The following TULP3 variants were observed in gnomAD, a reference collection of about 807,000 sequenced individuals.
TULP3 encodes the protein TUB like protein 3.
TULP3 carries 38 observed loss-of-function variants against 50.7 expected under a neutral mutation model. The ratio of observed to expected loss-of-function variants is 0.75; its 90% CI spans 0.58 to 0.98. TULP3 has a LOEUF of 0.98. Ranked by LOEUF, TULP3 falls within the 50% of genes least tolerant of loss-of-function variation. The probability of loss-of-function intolerance (pLI) is 0.00; values close to 1 mark genes in which losing one functional copy is unlikely to be tolerated. For synonymous variants in TULP3, 183 were observed against 196.6 expected (o/e 0.93, Z 0.58); for missense variants, 550 against 568.0 (o/e 0.97, Z 0.32).
intron 1 of TULP3, among the ~76,000 whole-genome samples, chr12:2,908,330 TTA>T (rs2098183559): frequency 6.6e-6 from 1 of 152,234 alleles, no homozygotes; most frequent in Non-Finnish European, 1.5e-5. Flanking sequence ...CATTTATGCC[TTA>T]TTTCATACTT....
At chr12:2,932,266 G>T (rs1011929590) in intron 6 of TULP3, among the ~76,000 whole-genome samples, 1 of 151,848 alleles carries the variant, frequency 6.6e-6, no homozygotes, top group African/African-American at 2.4e-5. Flanking sequence ...TCCTCTGTCT[G>T]TGTCCCCATG....
intron 1 of TULP3, among the ~76,000 whole-genome samples, chr12:2,896,451 A>G (rs989020776): frequency 2.0e-5 from 3 of 152,178 alleles, no homozygotes; most frequent in African/African-American, 7.2e-5. Context: ...TGACCATTTT[A>G]ATACACGTGT....
In TULP3 at chr12:2,939,594, G is replaced by A. The variant is rs1455290989; in HGVS notation, c.*150G>A. 52 of 1,224,174 alleles carry A rather than the reference G, an allele frequency of 4.2e-5. 1 individual carries two copies. The highest frequency in any genetic ancestry group is 5.5e-5 in the Non-Finnish European group (50 of 912,082). The allele number at this position is 1,224,174 out of a possible 1,614,324, so 75.8% of individuals were successfully genotyped here. On this transcript the variant is annotated 3_prime_UTR_variant, in exon 11 of 11. Coordinates refer to ENST00000448120, the MANE Select transcript of TULP3 (RefSeq NM_003324.5). This position sits in a 1 kb window ranked among gnomAD's most constrained non-coding sequence, Gnocchi z 4.0. ...AATATATAAAACACACACACAAAGA[G>A]CAATAGTTTGCCCCTTTTGGAACGA...
In TULP3 at chr12:2,915,562, CAG is replaced by C. The variant is rs1335496536; in HGVS notation, c.94-5198_94-5197del. On this transcript the variant is annotated intron_variant, in intron 2 of 10. Transcript: ENST00000448120. ...TTTATTTTGTTTTTTTTTTTTGAAA[CAG>C]AGTCTCGTTCTGTCGCCAGGCTGGA... 4.3e-4 allele frequency among the ~76,000 whole-genome samples: 59 copies of C among 136,150 alleles called. No homozygotes were observed. In the East Asian group the frequency reaches 5.6e-3, roughly 13 times the overall value. The allele number at this position is 136,150 out of a possible 152,430, so 89.3% of individuals were successfully genotyped here.
intron 8 of TULP3, among the ~76,000 whole-genome samples, chr12:2,937,200 A>AT (rs771074689): frequency 0.37 from 20,086 of 54,176 alleles, 8,678 homozygotes; most frequent in Middle Eastern, 0.46. Flanking sequence ...GGTACACCTG[A>AT]TTTTTTTTTT....
chr12:2,913,056 C>T (rs942575314), intron 2 of TULP3, among the ~76,000 whole-genome samples: 2 of 150,722 alleles, frequency 1.3e-5, no homozygotes, highest in Admixed American at 1.3e-4. Flanking sequence ...ACTGCAACCT[C>T]TGCCTCTGTG....
intron 1 of TULP3, among the ~76,000 whole-genome samples, chr12:2,901,312 C>CTTT (rs371069831): frequency 4.8e-5 from 5 of 104,126 alleles, no homozygotes; most frequent in African/African-American, 1.2e-4. Flanking sequence ...TTCTTTCTTT[C>CTTT]TTTTTTTTTT....
chr12:2,925,256 G>A lies in TULP3; in HGVS notation c.394+2854G>A, dbSNP rs540641315. 2.8e-4 allele frequency among the ~76,000 whole-genome samples: 42 copies of A among 152,260 alleles called. No individual in the cohort carries two copies. The South Asian group carries it at 8.7e-3, about 32-fold the overall frequency. ...ACAGTTGAGCTGTGGAAAAATTACT[G>A]TGTACCAGAAAGAAGGAATTGAAGG... On this transcript the variant is annotated intron_variant, in intron 4 of 10. Transcript: ENST00000448120.
At chr12:2,912,722 C>T (rs1197399066) in intron 2 of TULP3, among the ~76,000 whole-genome samples, 3 of 152,208 alleles carry the variant, frequency 2.0e-5, no homozygotes, top group Admixed American at 2.0e-4. Flanking sequence ...CTGGTCATTA[C>T]ATTCCCAGTA....
chr12:2,919,470 T>G (rs2098190501), intron 2 of TULP3, among the ~76,000 whole-genome samples: 2 of 152,190 alleles, frequency 1.3e-5, no homozygotes, highest in Admixed American at 6.6e-5. Flanking sequence ...ACACACTTCC[T>G]TTTTTGATAG....
rs775721190 is a variant in TULP3, at chr12:2,940,423, G to A, written c.*979G>A. On this transcript the variant is annotated 3_prime_UTR_variant, in exon 11 of 11. Transcript: ENST00000448120. ...TGGCAGAGCTGTGGACTTTCTTCTC[G>A]GCTCCCTCAACCCTGGCTCAGGCAC... is the stretch of plus-strand genomic sequence containing the variant. 2.0e-5 allele frequency: 29 copies of A among 1,464,244 alleles called. No individual in the cohort carries two copies. Among genetic ancestry groups the A allele is most frequent in the East Asian group, 5.0e-5 (2 of 40,216 alleles). The allele number at this position is 1,464,244 out of a possible 1,614,324, so 90.7% of individuals were successfully genotyped here. A position where few individuals can be genotyped will look rare whatever the true frequency, so the allele number is the denominator to read the frequency against.
At chr12:2,891,838 G>T (rs1454709056) in intron 1 of TULP3, among the ~76,000 whole-genome samples, 1 of 151,992 alleles carries the variant, frequency 6.6e-6, no homozygotes, top group Non-Finnish European at 1.5e-5. Context: ...AGGATCGCTT[G>T]GTCTCAGGAG....
chr12:2,897,473 A>G (rs2098176177), intron 1 of TULP3, among the ~76,000 whole-genome samples: 1 of 152,106 alleles, frequency 6.6e-6, no homozygotes, highest in African/African-American at 2.4e-5. Context: ...GTATTGTAAA[A>G]CAAAAATCTT....
chr12:2,905,326 C>T (rs1369262292), intron 1 of TULP3, among the ~76,000 whole-genome samples: 1 of 151,394 alleles, frequency 6.6e-6, no homozygotes, highest in Non-Finnish European at 1.5e-5. Context: ...GCTGGGACAA[C>T]AGGCATGTAC....
intron 2 of TULP3, among the ~76,000 whole-genome samples, chr12:2,911,316 A>G (rs1013004603): frequency 6.6e-6 from 1 of 151,854 alleles, no homozygotes; most frequent in African/African-American, 2.4e-5. Flanking sequence ...ATCAGTGGCT[A>G]TCACTGACTT....
intron 8 of TULP3, among the ~76,000 whole-genome samples, chr12:2,935,549 T>C (rs1056546454): frequency 6.6e-6 from 1 of 152,202 alleles, no homozygotes; most frequent in Non-Finnish European, 1.5e-5. Flanking sequence ...TCTCAGCTGG[T>C]TTTTTTATTC....
chr12:2,901,621 C>T (rs11062405), intron 1 of TULP3, among the ~76,000 whole-genome samples: 74,636 of 151,786 alleles, frequency 0.49, 19,095 homozygotes, highest in African/African-American at 0.64. Context: ...GGCCTCAAGT[C>T]ATATGCCCGT....
In TULP3 at chr12:2,940,922, A is replaced by G. The variant is rs1211226973; in HGVS notation, c.*1478A>G. 3.4e-6 allele frequency: 2 copies of G among 581,082 alleles called. No individual in the cohort carries two copies. Among genetic ancestry groups the G allele is most frequent in the African/African-American group, 3.8e-5 (2 of 53,182 alleles). The allele number at this position is 581,082 out of a possible 1,614,324, so 36.0% of individuals were successfully genotyped here. A position where few individuals can be genotyped will look rare whatever the true frequency, so the allele number is the denominator to read the frequency against. ...CATCCTGAGGCACTGCCTGGCAGAT[A>G]ACCCTGGTTGGCCACAGAAGCTATT... On this transcript the variant is annotated 3_prime_UTR_variant, in exon 11 of 11. Coordinates refer to ENST00000448120, the MANE Select transcript of TULP3 (RefSeq NM_003324.5).
chr12:2,922,535 T>C, intron 4 of TULP3, 133 bp downstream of exon 4: 2 of 1,099,608 alleles, frequency 1.8e-6, no homozygotes, highest in Non-Finnish European at 1.3e-6. Context: ...GAGGTGACAG[T>C]GTTTAGCATC....
Sources: allele counts gnomAD v4.1 joint callset (sites outside exome capture counted in the v4.1 genomes callset), GRCh38; gene constraint gnomAD v4.1.1; non-coding constraint Gnocchi (gnomAD v3.1); transcripts MANE v1.5; gene names NCBI Gene and HGNC (gene_info 2026-07-23, HGNC 2026-07-21).